The following SPEF2 variants were observed in gnomAD, a reference collection of about 807,000 sequenced individuals.
The protein encoded by SPEF2 is sperm flagella and cilia-associated protein 2.
A neutral mutation model predicts 224.6 loss-of-function variants in SPEF2; 187 were observed. The observed-to-expected ratio is 0.83, with a 90% CI of 0.74 to 0.94. SPEF2 has a LOEUF of 0.94. SPEF2 is among the 40% of genes least tolerant of loss of function. The probability of loss-of-function intolerance (pLI) is 0.00; values close to 1 mark genes in which losing one functional copy is unlikely to be tolerated. For synonymous variants in SPEF2, 715 were observed against 707.3 expected, an observed-to-expected ratio of 1.01 and a Z score of -0.17; for missense variants, 2,170 against 2,135.6, an observed-to-expected ratio of 1.02 and a Z score of -0.32.
At chr5:35,745,069 TCTAA>T (rs992848330) in intron 23 of SPEF2, among the ~76,000 whole-genome samples, 3 of 152,128 alleles carry the variant, frequency 2.0e-5, no homozygotes, top group Non-Finnish European at 4.4e-5. Context: ...ACTGATATAT[TCTAA>T]CTAACAGAAG....
chr5:35,659,458 C>T (rs1161818438), intron 8 of SPEF2, among the ~76,000 whole-genome samples: 1 of 152,168 alleles, frequency 6.6e-6, no homozygotes, highest in African/African-American at 2.4e-5. Flanking sequence ...TCACCACCAA[C>T]CCTTATGTCC....
chr5:35,773,923 C>T lies in SPEF2; in HGVS notation c.3980C>T (p.Pro1327Leu). Residue 1327 changes from proline to leucine, a missense_variant, in exon 28 of 37, where the codon CCT becomes CTT. Coordinates refer to ENST00000356031, the MANE Select transcript of SPEF2 (RefSeq NM_024867.4). ...GKSPPMAEAT[P>L]VIVTTEEIAE... ...TCACCACCTATGGCAGAAGCAACTC[C>T]TGTCATAGTAACAACAGAGGAAATT... 1 of 1,613,032 alleles carries T rather than the reference C, an allele frequency of 6.2e-7. No individual in the cohort carries two copies. The highest frequency in any genetic ancestry group is 1.1e-5 in the South Asian group (1 of 90,926).
At chr5:35,771,880 T>A in intron 27 of SPEF2, 124 bp downstream of exon 27, 1 of 1,127,318 alleles carries the variant, frequency 8.9e-7, no homozygotes, top group Non-Finnish European at 1.2e-6. Context: ...AGGTTTAAAC[T>A]AGAGACCCGG....
At chr5:35,729,822 A>G (rs1245691206) in intron 21 of SPEF2, among the ~76,000 whole-genome samples, 1 of 152,076 alleles carries the variant, frequency 6.6e-6, no homozygotes, top group Non-Finnish European at 1.5e-5. Context: ...ACGAGATCTG[A>G]TGGGCTTAAC....
chr5:35,733,909 TAGTAAG>T (rs1408128975), intron 21 of SPEF2, among the ~76,000 whole-genome samples: 6 of 152,200 alleles, frequency 3.9e-5, no homozygotes, highest in African/African-American at 1.4e-4. Flanking sequence ...CATCTTTAAA[TAGTAAG>T]AGTAATAGAA....
In SPEF2 at chr5:35,710,933, G is replaced by A. The variant is rs941918892; in HGVS notation, c.2839+1812G>A. ...AAGAATGTTTAGAAAGGTTAATCTC[G>A]AGAGTCTTAATTGCTGCCACCCAAC... is the stretch of plus-strand genomic sequence containing the variant. On this transcript the variant is annotated intron_variant, in intron 19 of 36. Transcript: ENST00000356031. 40 of 968,644 alleles carry A rather than the reference G, an allele frequency of 4.1e-5. No individual in the cohort carries two copies. In the South Asian group the frequency reaches 5.3e-4, roughly 13 times the overall value. 60.0% of individuals were successfully genotyped at this position (968,644 alleles called of 1,614,324 possible). A position where few individuals can be genotyped will look rare whatever the true frequency, so the allele number is the denominator to read the frequency against.
chr5:35,694,975 C>G (rs1755080623), intron 13 of SPEF2, among the ~76,000 whole-genome samples: 1 of 152,114 alleles, frequency 6.6e-6, no homozygotes, highest in South Asian at 2.1e-4. Context: ...CTAGTGAAGT[C>G]TTTGTCTTAT....
chr5:35,713,191 A>G (rs576969997), intron 20 of SPEF2, among the ~76,000 whole-genome samples: 5 of 152,252 alleles, frequency 3.3e-5, no homozygotes, highest in African/African-American at 4.8e-5. Context: ...AAAGCTACAT[A>G]CTGAATCAAG....
chr5:35,745,484 C>T (rs1227248892), intron 23 of SPEF2, among the ~76,000 whole-genome samples: 2 of 152,108 alleles, frequency 1.3e-5, no homozygotes, highest in African/African-American at 2.4e-5. Flanking sequence ...GGCAGAGGCC[C>T]GGTGGGAGTG....
At chr5:35,651,385 CACTT>C (rs1419436408) in intron 6 of SPEF2, among the ~76,000 whole-genome samples, 5 of 152,152 alleles carry the variant, frequency 3.3e-5, no homozygotes, top group African/African-American at 4.8e-5. Context: ...TTGACACCCT[CACTT>C]ACAGCAGGAG....
At chr5:35,718,335 G>A (rs879504994) in intron 20 of SPEF2, among the ~76,000 whole-genome samples, 3 of 152,184 alleles carry the variant, frequency 2.0e-5, no homozygotes, top group Non-Finnish European at 2.9e-5. Context: ...TCTGTGAAGA[G>A]AGGACAGAGG....
intron 14 of SPEF2, among the ~76,000 whole-genome samples, chr5:35,696,721 G>A (rs897095107): frequency 1.3e-5 from 2 of 152,166 alleles, no homozygotes; most frequent in African/African-American, 4.8e-5. Context: ...TATTGAAGAT[G>A]ATGATGAGTG....
chr5:35,808,274 A>G (rs1758303202), intron 36 of SPEF2: 1 of 606,280 alleles, frequency 1.6e-6, no homozygotes, highest in East Asian at 1.4e-4. Context: ...TTATACTTTA[A>G]GTTCTAGGGC....
intron 10 of SPEF2, among the ~76,000 whole-genome samples, chr5:35,686,171 A>T (rs1370694138): frequency 6.6e-6 from 1 of 152,126 alleles, no homozygotes; most frequent in Non-Finnish European, 1.5e-5. Flanking sequence ...TTATGTGATT[A>T]ACAAAATACT....
chr5:35,802,077 G>T (rs940361475), intron 34 of SPEF2, among the ~76,000 whole-genome samples: 4 of 103,510 alleles, frequency 3.9e-5, no homozygotes, highest in East Asian at 2.3e-4. Context: ...CCCCAAACAG[G>T]GGGGAGCATG....
chr5:35,750,898 T>G (rs1017486661), intron 23 of SPEF2, among the ~76,000 whole-genome samples: 7 of 148,746 alleles, frequency 4.7e-5, no homozygotes, highest in Admixed American at 1.4e-4. Flanking sequence ...TTGCACACAT[T>G]GTTTATAGCA....
chr5:35,695,889 A>ATTCG, intron 14 of SPEF2, 93 bp downstream of exon 14: 2 of 881,608 alleles, frequency 2.3e-6, no homozygotes, highest in Non-Finnish European at 3.4e-6. Flanking sequence ...ATGAAATTGC[A>ATTCG]ATGTGCTCTT....
chr5:35,620,749 G>A (rs1173662837), intron 1 of SPEF2, among the ~76,000 whole-genome samples: 1 of 152,134 alleles, frequency 6.6e-6, no homozygotes, highest in African/African-American at 2.4e-5. Flanking sequence ...GGATATTTAT[G>A]TATTTTTGTC....
intron 5 of SPEF2, 35 bp downstream of exon 5, chr5:35,646,842 ATCT>A (rs776586420): frequency 6.2e-7 from 1 of 1,603,842 alleles, no homozygotes; most frequent in African/African-American, 1.3e-5. Flanking sequence ...TGCTGTGTTT[ATCT>A]TAACTAAAGA....
Sources: gnomAD v4.1 joint callset for allele counts (sites outside exome capture counted in the v4.1 genomes callset) on GRCh38, gnomAD v4.1.1 for gene constraint, MANE v1.5 for transcripts, NCBI Gene and HGNC (gene_info 2026-07-23, HGNC 2026-07-21) for gene names.